The following KCNIP4 variants were observed in gnomAD, a reference collection of about 807,000 sequenced individuals.
The protein encoded by KCNIP4 is potassium voltage-gated channel interacting protein 4.
KCNIP4 carries 12 observed loss-of-function variants against 34.0 expected under a neutral mutation model. The observed-to-expected ratio is 0.35, with a 90% confidence interval of 0.23 to 0.57. The LOEUF (loss-of-function observed/expected upper bound fraction) is 0.57, where lower values mean the gene tolerates loss of function less well. Ranked by LOEUF, KCNIP4 falls within the 20% of genes least tolerant of loss-of-function variation. The pLI is 0.83. For synonymous variants in KCNIP4, 124 were observed against 102.2 expected (o/e 1.21, Z -1.29); for missense variants, 238 against 311.7 (o/e 0.76, Z 1.78).
chr4:20,930,192 G>A (rs55662972), intron 1 of KCNIP4, among the ~76,000 whole-genome samples: 6,961 of 152,018 alleles, frequency 0.046, 188 homozygotes, highest in Middle Eastern at 0.1. Flanking sequence ...TGGACCAACG[G>A]AACAGAATAT....
chr4:21,040,286 A>G (rs1404150682), intron 1 of KCNIP4, among the ~76,000 whole-genome samples: 3 of 152,214 alleles, frequency 2.0e-5, no homozygotes, highest in Non-Finnish European at 4.4e-5. Flanking sequence ...AACTGAAGCT[A>G]AAATGCTTTC....
intron 1 of KCNIP4, among the ~76,000 whole-genome samples, chr4:21,094,698 C>A (rs1747313091): frequency 6.6e-6 from 1 of 152,178 alleles, no homozygotes; most frequent in Non-Finnish European, 1.5e-5. Flanking sequence ...TTTGCAACTT[C>A]TGCCGTGTCT....
At chr4:21,272,089 T>TTA (rs1348917387) in intron 1 of KCNIP4, among the ~76,000 whole-genome samples, 1 of 152,176 alleles carries the variant, frequency 6.6e-6, no homozygotes, top group African/African-American at 2.4e-5. Flanking sequence ...TCGTGCAGTT[T>TTA]TATAGTGGTC....
At chr4:20,930,942 A>G (rs1577385372) in intron 1 of KCNIP4, among the ~76,000 whole-genome samples, 1 of 152,146 alleles carries the variant, frequency 6.6e-6, no homozygotes, top group Non-Finnish European at 1.5e-5. Flanking sequence ...CATTATGGAA[A>G]ACAGTGTGGA....
intron 1 of KCNIP4, among the ~76,000 whole-genome samples, chr4:21,027,406 C>T (rs1461455202): frequency 6.6e-6 from 1 of 151,822 alleles, no homozygotes; most frequent in African/African-American, 2.4e-5. Flanking sequence ...AAATCAAGAG[C>T]ATTTGGCATT....
chr4:21,131,426 G>C (rs1450508508), intron 1 of KCNIP4, among the ~76,000 whole-genome samples: 1 of 152,064 alleles, frequency 6.6e-6, no homozygotes, highest in African/African-American at 2.4e-5. Context: ...TGGCTAACAC[G>C]GTGAAACCCC....
At chr4:21,478,246 ATATT>A (rs3083797) in intron 1 of KCNIP4, among the ~76,000 whole-genome samples, 100,926 of 150,844 alleles carry the variant, frequency 0.67, 33,942 homozygotes, top group African/African-American at 0.72. Context: ...ATTTATTTAC[ATATT>A]TATTTATTTA....
intron 1 of KCNIP4, among the ~76,000 whole-genome samples, chr4:21,698,268 C>A (rs567616392): frequency 1.6e-4 from 25 of 152,300 alleles, no homozygotes; most frequent in Middle Eastern, 6.8e-3. Context: ...AATTAGGATA[C>A]ATAATTGTCT....
intron 1 of KCNIP4, among the ~76,000 whole-genome samples, chr4:21,349,194 G>A (rs867837816): frequency 6.6e-6 from 1 of 152,066 alleles, no homozygotes; most frequent in Admixed American, 6.6e-5. Flanking sequence ...TTGATTCATG[G>A]GGTTATTTCA....
rs527466043 is a variant in KCNIP4 at position 21,842,746 on chromosome 4, T to C, written c.61+105825A>G. On this transcript the variant is annotated intron_variant, in intron 1 of 8. Transcript: ENST00000382152. ...TCTCTGATAGTTCTTACTTCAAATA[T>C]TACTTTCTTTCATATTAAGGTAACA... is the stretch of plus-strand genomic sequence containing the variant. Among the ~76,000 whole-genome samples, 3 of 152,262 alleles carry C rather than the reference T, an allele frequency of 2.0e-5. No homozygotes were observed. The East Asian group carries it at 5.8e-4, about 29-fold the overall frequency.
intron 1 of KCNIP4, among the ~76,000 whole-genome samples, chr4:21,336,724 G>A (rs2109336945): frequency 6.6e-6 from 1 of 152,148 alleles, no homozygotes; most frequent in African/African-American, 2.4e-5. Flanking sequence ...TGAGCAAGTT[G>A]TTTAACCTCT....
At chr4:21,101,536 T>A (rs1179531109) in intron 1 of KCNIP4, among the ~76,000 whole-genome samples, 1 of 152,148 alleles carries the variant, frequency 6.6e-6, no homozygotes, top group East Asian at 1.9e-4. Context: ...TTATATAAAA[T>A]ATCCAAAGAA....
chr4:21,817,835 A>G (rs558391188), intron 1 of KCNIP4, among the ~76,000 whole-genome samples: 1 of 152,272 alleles, frequency 6.6e-6, no homozygotes, highest in East Asian at 1.9e-4. Context: ...GATGTTTATC[A>G]AGACAATATG....
chr4:21,568,212 C>T (rs979987630), intron 1 of KCNIP4, among the ~76,000 whole-genome samples: 7 of 152,096 alleles, frequency 4.6e-5, no homozygotes, highest in African/African-American at 1.7e-4. Flanking sequence ...TAATCCCTAC[C>T]ACCTCAGAAT....
chr4:20,966,555 T>C (rs1276853677), intron 1 of KCNIP4, among the ~76,000 whole-genome samples: 1 of 152,192 alleles, frequency 6.6e-6, no homozygotes, highest in East Asian at 1.9e-4. Flanking sequence ...ATTCTACTGA[T>C]TGCTAGTTCA....
At chr4:21,493,540 C>T (rs572566847) in intron 1 of KCNIP4, among the ~76,000 whole-genome samples, 4 of 152,298 alleles carry the variant, frequency 2.6e-5, no homozygotes, top group African/African-American at 9.6e-5. Flanking sequence ...TAAGGCTCTC[C>T]TCAAATTGTG....
intron 3 of KCNIP4, among the ~76,000 whole-genome samples, chr4:20,804,399 T>G (rs755869621): frequency 6.6e-6 from 1 of 152,074 alleles, no homozygotes; most frequent in Non-Finnish European, 1.5e-5. Flanking sequence ...TAGCATACAG[T>G]AGACATTGTG....
intron 1 of KCNIP4, among the ~76,000 whole-genome samples, chr4:21,426,587 TA>T (rs1356608303): frequency 6.6e-6 from 1 of 152,170 alleles, no homozygotes; most frequent in Non-Finnish European, 1.5e-5. Context: ...GAGGAGTATG[TA>T]AACATGTAAC....
At chr4:21,695,113 T>C (rs960521010) in intron 1 of KCNIP4, among the ~76,000 whole-genome samples, 1 of 152,102 alleles carries the variant, frequency 6.6e-6, no homozygotes, top group Non-Finnish European at 1.5e-5. Context: ...CAACTCTGTT[T>C]CCTACTTCTT....
Sources: allele counts gnomAD v4.1 joint callset (sites outside exome capture counted in the v4.1 genomes callset), GRCh38; gene constraint gnomAD v4.1.1; transcripts MANE v1.5; gene names NCBI Gene and HGNC (gene_info 2026-07-23, HGNC 2026-07-21).